STK36: variants seen among roughly 807,000 people sequenced by gnomAD.
STK36 encodes the protein serine/threonine kinase 36, also known as serine/threonine-protein kinase 36.
In STK36, 116 loss-of-function variants were observed where a neutral mutation model predicts 142.2. That is an observed-to-expected ratio of 0.82 (90% confidence interval 0.70 to 0.95). STK36 has a LOEUF of 0.95. STK36 is among the 40% of genes least tolerant of loss of function. The pLI is 0.00. For missense variants in STK36, 1,422 were observed against 1,617.2 expected (o/e 0.88, Z 2.07); for synonymous variants, 619 against 641.7 (o/e 0.96, Z 0.53).
At chr2:218,690,332 G>T in intron 13 of STK36, 118 bp from the exon 14 acceptor site, 2 of 817,648 alleles carry the variant, frequency 2.4e-6, no homozygotes, top group South Asian at 1.4e-5. Context: ...GAGAAGGGAG[G>T]AACATTCTGA....
At chr2:218,682,500 C>G (rs1318471291) in intron 10 of STK36, among the ~76,000 whole-genome samples, 1 of 152,058 alleles carries the variant, frequency 6.6e-6, no homozygotes, top group Non-Finnish European at 1.5e-5. Context: ...ATCTGTAATC[C>G]TTATTCAAAT....
Position 218,679,947 on chromosome 2 carries a change from G to C in STK36, c.1003G>C (p.Ala335Pro), listed in dbSNP as rs769394153. The C allele has an allele frequency of 1.2e-6, 2 of 1,614,200 alleles. No homozygotes were observed. The highest frequency in any genetic ancestry group is 8.5e-7 in the Non-Finnish European group (1 of 1,180,024). Residue 335 changes from alanine (A) to proline (P), a missense_variant, in exon 9 of 27, where the codon GCT becomes CCT. Ala to Pro is a conservative substitution (Grantham distance 27). Transcript: ENST00000295709. Reference sequence around the variant, plus strand: ...GCAAGAGGACAAGACCAGCAAGGTGGCTCCTGGCACAGCCCCTCTGCCCAG... The same window carrying C: ...GCAAGAGGACAAGACCAGCAAGGTGCCTCCTGGCACAGCCCCTCTGCCCAG... ...LEQEDKTSKVAPGTAPLPRLG... is the reference protein window; with the variant it reads ...LEQEDKTSKVPPGTAPLPRLG...
chr2:218,673,013 C>A, intron 2 of STK36, 100 bp downstream of exon 2: 1 of 1,095,414 alleles, frequency 9.1e-7, no homozygotes, highest in Non-Finnish European at 1.4e-6. Context: ...GTTTGTATTC[C>A]TAAGGTACTG....
intron 2 of STK36, chr2:218,673,394 C>A: frequency 1.8e-6 from 1 of 545,968 alleles, no homozygotes; most frequent in Non-Finnish European, 3.1e-6. Context: ...AACACTTCTT[C>A]CAGAAGGGGA....
rs1940620250 is a variant in STK36 at position 218,683,330 on chromosome 2, A to G, written c.1237-1755A>G. Among the ~76,000 whole-genome samples the G allele has an allele frequency of 2.0e-5, 3 of 149,998 alleles. No homozygotes were observed. In the South Asian group the frequency reaches 6.3e-4, roughly 32 times the overall value. On this transcript the variant is annotated intron_variant, in intron 10 of 26. Transcript: ENST00000295709. ...TGCTCTGTTGCCTGGGCTGGAGTGC[A>G]GTGGCACGATCTTGGCTCACTGCAA...
chr2:218,695,222 C>CTTTTTTTTTTT (rs531122836), intron 21 of STK36, among the ~76,000 whole-genome samples: 2 of 88,122 alleles, frequency 2.3e-5, no homozygotes, highest in Non-Finnish European at 4.2e-5. Flanking sequence ...ATTGTCATCC[C>CTTTTTTTTTTT]TTTTTTTTTT....
chr2:218,680,568 T>G (rs754594649), intron 9 of STK36, 35 bp from the exon 10 acceptor site: 1 of 1,568,108 alleles, frequency 6.4e-7, no homozygotes, highest in East Asian at 2.3e-5. Flanking sequence ...GTCATAGGTT[T>G]GGAACCCGTT....
At chr2:218,683,530 C>T (rs1940631190) in intron 10 of STK36, among the ~76,000 whole-genome samples, 1 of 152,182 alleles carries the variant, frequency 6.6e-6, no homozygotes, top group Non-Finnish European at 1.5e-5. Context: ...GCCTCGGCCT[C>T]TTGAAGTGCT....
At position 218,693,882 on chromosome 2, in the gene STK36, GT is replaced by G; in HGVS notation, c.2248-10del. 1 of 1,614,216 alleles carries G rather than the reference GT, an allele frequency of 6.2e-7. No homozygotes were observed. Among genetic ancestry groups the G allele is most frequent in the Non-Finnish European group, 8.5e-7 (1 of 1,180,030 alleles). Reference sequence around the variant, plus strand: ...GCCAGAGGTTGTTCTGATATCTTAGGTTTCCTTTGTAGGTAAAAGTAGTAGA... The same window carrying G: ...GCCAGAGGTTGTTCTGATATCTTAGGTTCCTTTGTAGGTAAAAGTAGTAGA... On this transcript the variant is annotated splice_polypyrimidine_tract_variant and intron_variant, in intron 18 of 26. Coordinates refer to ENST00000295709, the MANE Select transcript of STK36 (RefSeq NM_015690.5).
In STK36 at chr2:218,697,962, C is replaced by T. The variant is rs377733874; in HGVS notation, c.3018C>T (p.Ala1006=). 64 of 1,614,124 alleles carry T rather than the reference C, an allele frequency of 4.0e-5. 1 individual carries two copies. The Middle Eastern group carries it at 2.5e-3, about 62-fold the overall frequency. ...MDADLLIGVL[A]DLRDSEVAAH... ...CTGACCTCCTTATAGGTGTCTTGGC[C>T]GACCTCAGGGACTCAGAAGTTGCAG... The change falls in exon 25 of 27, where the codon GCC becomes GCT. Residue 1006 remains alanine (A), a synonymous_variant. Coordinates refer to ENST00000295709, the MANE Select transcript of STK36 (RefSeq NM_015690.5).
In STK36 at chr2:218,698,780, C is replaced by T; in HGVS notation, c.3236C>T (p.Ser1079Phe). Residue 1079 changes from serine (S) to phenylalanine (F), a missense_variant, in exon 26 of 27, where the codon TCC (serine) becomes TTC (phenylalanine). Coordinates refer to ENST00000295709, the MANE Select transcript of STK36 (RefSeq NM_015690.5). ...ALLSDQPLLT[S>F]DLLSLLAHTA... ...CTGAGTGACCAGCCACTGTTGACCT[C>T]CGACCTTCTCTCTCTGCTGGCCCAT... is the stretch of plus-strand genomic sequence containing the variant. 6.2e-7 allele frequency: 1 copy of T among 1,614,240 alleles called. No homozygotes were observed. The highest frequency in any genetic ancestry group is 8.5e-7 in the Non-Finnish European group (1 of 1,180,056).
intron 25 of STK36, 134 bp downstream of exon 25, chr2:218,698,135 C>T (rs1212962218): frequency 1.1e-5 from 14 of 1,267,396 alleles, no homozygotes; most frequent in Middle Eastern, 2.7e-4. Context: ...CAAAAGTTGG[C>T]GTGGAGACAG....
In STK36 at chr2:218,697,090, G is replaced by A. The variant is rs142521346; in HGVS notation, c.2638G>A (p.Val880Ile). Residue 880 changes from valine (V) to isoleucine (I), a missense_variant, in exon 23 of 27, where the codon GTT (valine) becomes ATT (isoleucine). Around this residue, in one of 2 missense-constraint regions of STK36, gnomAD observed 962 missense variants for 1,167.5 expected, o/e 0.82. Transcript: ENST00000295709. ...TATGTCCAGTTCAGAAATGTGGACC[G>A]TTTTGTGGCACCGCTTCTCCATGGT... ...RDMSSSEMWT[V>I]LWHRFSMVLR... The A allele has an allele frequency of 6.3e-5, 101 of 1,614,168 alleles. No individual in the cohort carries two copies. Among genetic ancestry groups the A allele is most frequent in the East Asian group, 8.9e-5 (4 of 44,880 alleles).
intron 10 of STK36, chr2:218,684,732 T>C (rs1035298964): frequency 1.7e-5 from 3 of 172,278 alleles, no homozygotes; most frequent in Non-Finnish European, 3.7e-5. Flanking sequence ...CACAATCTTT[T>C]TAATAACCTC....
intron 9 of STK36, 87 bp from the exon 10 acceptor site, chr2:218,680,516 A>T (rs1258011251): frequency 3.9e-5 from 43 of 1,103,072 alleles, no homozygotes; most frequent in Non-Finnish European, 4.8e-5. Context: ...TCTCATTCTT[A>T]TCCTGGGTCT....
chr2:218,680,554 A>G, intron 9 of STK36, 49 bp from the exon 10 acceptor site: 2 of 1,495,870 alleles, frequency 1.3e-6, no homozygotes, highest in Non-Finnish European at 1.8e-6. Flanking sequence ...AACGAACCCT[A>G]AGAGTCATAG....
Position 218,692,753 on chromosome 2 carries a change from G to GTT in STK36, c.2043+43_2043+44insTT, listed in dbSNP as rs747092394. On this transcript the variant is annotated intron_variant, in intron 16 of 26. Coordinates refer to ENST00000295709, the MANE Select transcript of STK36 (RefSeq NM_015690.5). ...TTGTTCCTCTCATCCTACTGCCAGA[G>GTT]GAATTGAGGAGGCTAGCCCCAGTTT... 10,611 of 1,583,878 alleles carry GTT rather than the reference G, an allele frequency of 6.7e-3. 606 individuals carry two copies. In the African/African-American group the frequency reaches 0.13, roughly 19 times the overall value.
rs1214987416 is a variant in STK36 at position 218,692,652 on chromosome 2, T to C, written c.1985T>C (p.Leu662Pro). Reference sequence around the variant, plus strand: ...ATACCTGGAGCCATTTCCTCTGCCCTGGCAGCCATATGCACTGCTCCTGTG... The same window carrying C: ...ATACCTGGAGCCATTTCCTCTGCCCCGGCAGCCATATGCACTGCTCCTGTG... ...EDIPGAISSA[L>P]AAICTAPVGL... Residue 662 changes from leucine to proline, a missense_variant, in exon 16 of 27, where the codon CTG becomes CCG. Transcript: ENST00000295709. The C allele has an allele frequency of 1.2e-6, 2 of 1,613,646 alleles. No homozygotes were observed. The highest frequency in any genetic ancestry group is 1.7e-5 in the Admixed American group (1 of 60,006).
chr2:218,680,538 C>A, intron 9 of STK36, 65 bp from the exon 10 acceptor site: 1 of 1,343,910 alleles, frequency 7.4e-7, no homozygotes, highest in Non-Finnish European at 1.0e-6. Flanking sequence ...CAGAGAGGGA[C>A]AAGTTAACGA....
Sources: allele counts gnomAD v4.1 joint callset (sites outside exome capture counted in the v4.1 genomes callset), GRCh38; gene constraint gnomAD v4.1.1; regional missense constraint gnomAD v4.1.1; transcripts MANE v1.5; gene names NCBI Gene and HGNC (gene_info 2026-07-23, HGNC 2026-07-21).